Variants in RNF214 observed in about 807,000 individuals in gnomAD.
RNF214 encodes ring finger protein 214.
RNF214 carries 25 observed loss-of-function variants against 75.9 expected under a neutral mutation model. The observed-to-expected ratio is 0.33, with a 90% CI of 0.24 to 0.46. The LOEUF is 0.46. RNF214 is among the 20% of genes least tolerant of loss of function. The probability of loss-of-function intolerance (pLI) is 1.00; values close to 1 mark genes in which losing one functional copy is unlikely to be tolerated. For synonymous variants in RNF214, 314 were observed against 308.8 expected (o/e 1.02, Z -0.18); for missense variants, 725 against 857.5 (o/e 0.85, Z 1.93).
At chr11:117,235,328 C>T (rs2032872597) in intron 2 of RNF214, among the ~76,000 whole-genome samples, 1 of 151,742 alleles carries the variant, frequency 6.6e-6, no homozygotes, top group Admixed American at 6.6e-5. Context: ...TCCCCAGTAG[C>T]TGGGACTACA....
rs576061355 is a variant in RNF214 at position 117,285,207 on chromosome 11, T to C, written c.*56T>C. Reference sequence around the variant, plus strand: ...AACTGATGTGAACAGGAAGCGCGGGTTCAAGATTTCTAAAACTCTATATTT... The same window carrying C: ...AACTGATGTGAACAGGAAGCGCGGGCTCAAGATTTCTAAAACTCTATATTT... On this transcript the variant is annotated 3_prime_UTR_variant, in exon 15 of 15. Coordinates refer to ENST00000300650, the MANE Select transcript of RNF214 (RefSeq NM_207343.4). 8.4e-6 allele frequency: 10 copies of C among 1,186,348 alleles called. No homozygotes were observed. In the East Asian group the frequency reaches 2.1e-4, roughly 25 times the overall value. The allele number at this position is 1,186,348 out of a possible 1,614,324, so 73.5% of individuals were successfully genotyped here. A position where few individuals can be genotyped will look rare whatever the true frequency, so the allele number is the denominator to read the frequency against.
At chr11:117,235,966 CTG>C (rs1272389188) in intron 2 of RNF214, among the ~76,000 whole-genome samples, 3 of 151,602 alleles carry the variant, frequency 2.0e-5, no homozygotes, top group South Asian at 2.1e-4. Context: ...TTCCTCAACT[CTG>C]TTTTTTTTTT....
chr11:117,285,020 G>A, intron 14 of RNF214, 66 bp from the exon 15 acceptor site: 1 of 1,144,322 alleles, frequency 8.7e-7, no homozygotes. Flanking sequence ...AACCTTATTG[G>A]CATTCTCTCC....
chr11:117,245,480 C>T (rs1420181788), intron 5 of RNF214, among the ~76,000 whole-genome samples: 3 of 151,006 alleles, frequency 2.0e-5, no homozygotes, highest in Non-Finnish European at 4.4e-5. Context: ...GCTGGGACTA[C>T]AGGCGCCCGC....
At chr11:117,251,450 C>T (rs544094243) in intron 6 of RNF214, among the ~76,000 whole-genome samples, 2 of 133,010 alleles carry the variant, frequency 1.5e-5, no homozygotes, top group African/African-American at 3.1e-5. Flanking sequence ...ACCTCCCTCC[C>T]GGACGGGGCG....
Position 117,238,882 on chromosome 11 carries a change from C to T in RNF214, c.389C>T (p.Pro130Leu). The T allele has an allele frequency of 6.2e-7, 1 of 1,614,222 alleles. No individual in the cohort carries two copies. Among genetic ancestry groups the T allele is most frequent in the Non-Finnish European group, 8.5e-7 (1 of 1,180,036 alleles). Residue 130 changes from proline (P) to leucine (L), a missense_variant, in exon 3 of 15, where the codon CCA becomes CTA. By Grantham distance (98) the Pro-to-Leu change is moderately conservative. Transcript: ENST00000300650. The part of the protein sequence containing the change: ...GDTSLRESLH[P>L]VTRSLKAGCH... ...ACAAGCCTTCGGGAGAGCCTCCATC[C>T]AGTCACTCGGTCTCTTAAGGCAGGG...
At chr11:117,235,555 A>T (rs1164496157) in intron 2 of RNF214, among the ~76,000 whole-genome samples, 1 of 142,278 alleles carries the variant, frequency 7.0e-6, no homozygotes, top group Non-Finnish European at 1.5e-5. Context: ...CTGGAGTGCA[A>T]TGGCGTGAAC....
At position 117,285,165 on chromosome 11, in the gene RNF214, G is replaced by T. The variant is rs765773085; in HGVS notation, c.*14G>T. ...ACTCTTAAATGACGGACCTGACTGG[G>T]GAGGAAGAAGAAGAGAAACTGATGT... On this transcript the variant is annotated 3_prime_UTR_variant, in exon 15 of 15. Transcript: ENST00000300650. The T allele has an allele frequency of 1.9e-6, 3 of 1,587,830 alleles. No homozygotes were observed. The East Asian group carries it at 6.7e-5, about 35-fold the overall frequency.
At chr11:117,244,268 A>G (rs997456769) in intron 4 of RNF214, among the ~76,000 whole-genome samples, 177 bp from the exon 5 acceptor site, 2 of 152,192 alleles carry the variant, frequency 1.3e-5, no homozygotes, top group Admixed American at 6.5e-5. Flanking sequence ...GGTGTGAGCC[A>G]CCATCCCCAG....
chr11:117,269,143 G>A (rs867216968), intron 6 of RNF214, among the ~76,000 whole-genome samples: 1 of 152,144 alleles, frequency 6.6e-6, no homozygotes, highest in Non-Finnish European at 1.5e-5. Flanking sequence ...AGTTGCTCAT[G>A]CCTGTAATCC....
At chr11:117,238,465 A>G (rs1374687858) in intron 2 of RNF214, 136 bp from the exon 3 acceptor site, 7 of 810,386 alleles carry the variant, frequency 8.6e-6, no homozygotes, top group Non-Finnish European at 3.9e-6. Context: ...ACCTGCATAC[A>G]GGATAGAAAT....
intron 4 of RNF214, among the ~76,000 whole-genome samples, chr11:117,241,175 C>T (rs184369577): frequency 1.4e-3 from 205 of 150,012 alleles, no homozygotes; most frequent in African/African-American, 4.9e-3. Context: ...GTGAGACTCT[C>T]TCAAAAACAA....
At chr11:117,268,455 C>T (rs193273239) in intron 6 of RNF214, among the ~76,000 whole-genome samples, 22 of 152,144 alleles carry the variant, frequency 1.4e-4, no homozygotes, top group Admixed American at 7.2e-4. Flanking sequence ...AGATTGGGGT[C>T]GGGGGGAGTC....
rs2034077389 is a variant in RNF214, at chr11:117,279,249, TG to T, written c.960-657del. 2.0e-5 allele frequency among the ~76,000 whole-genome samples: 3 copies of T among 151,848 alleles called. No homozygotes were observed. In the South Asian group the frequency reaches 6.2e-4, roughly 32 times the overall value. On this transcript the variant is annotated intron_variant, in intron 6 of 14. Transcript: ENST00000300650. The stretch of plus-strand genomic sequence containing the variant: ...ACGTAGAAGAATGTTCTGCCTTCAA[TG>T]GAGGGCTTTTGTTCTAAGATGCAGT...
intron 14 of RNF214, 66 bp from the exon 15 acceptor site, chr11:117,285,020 G>T: frequency 1.7e-6 from 2 of 1,144,320 alleles, no homozygotes; most frequent in Non-Finnish European, 2.6e-6. Flanking sequence ...AACCTTATTG[G>T]CATTCTCTCC....
chr11:117,253,168 A>G (rs986654382), intron 6 of RNF214, among the ~76,000 whole-genome samples: 1 of 152,136 alleles, frequency 6.6e-6, no homozygotes, highest in Admixed American at 6.5e-5. Context: ...GTGCACCACC[A>G]TGCCCATCTA....
intron 10 of RNF214, 35 bp from the exon 11 acceptor site, chr11:117,281,858 CT>C: frequency 2.5e-6 from 4 of 1,592,364 alleles, no homozygotes; most frequent in Non-Finnish European, 3.4e-6. Context: ...CTTTTTCTTC[CT>C]TTCTCTCTCG....
chr11:117,280,007 G>A lies in RNF214; in HGVS notation c.1056+3G>A. ...CTGAACGGGCCTGGAAGGCAGAGGT[G>A]AGAAGAGGAGCTGATATCTTGAAAG... On this transcript the variant is annotated splice_donor_region_variant and intron_variant, in intron 7 of 14. Transcript: ENST00000300650. 1 of 1,605,020 alleles carries A rather than the reference G, an allele frequency of 6.2e-7. No homozygotes were observed. The highest frequency in any genetic ancestry group is 8.5e-7 in the Non-Finnish European group (1 of 1,173,802).
intron 6 of RNF214, among the ~76,000 whole-genome samples, chr11:117,253,685 TAAATA>T (rs1461023874): frequency 6.6e-6 from 1 of 151,412 alleles, no homozygotes; most frequent in African/African-American, 2.4e-5. Context: ...CTATAAAAAA[TAAATA>T]AATAAATAAA....
Sources: allele counts gnomAD v4.1 joint callset (sites outside exome capture counted in the v4.1 genomes callset), GRCh38; gene constraint gnomAD v4.1.1; transcripts MANE v1.5; gene names NCBI Gene and HGNC (gene_info 2026-07-23, HGNC 2026-07-21).